The following GPR171 variants were observed in gnomAD, a reference collection of about 807,000 sequenced individuals.
GPR171 encodes the protein F730001G15Rik.
A neutral mutation model predicts 16.7 loss-of-function variants in GPR171; 14 were observed. That is an observed-to-expected ratio of 0.84 (90% CI 0.55 to 1.31). GPR171 has a LOEUF of 1.31. Ranked by LOEUF, GPR171 falls within the 40% of genes most tolerant of loss-of-function variation. GPR171 has a pLI of 0.00. For missense variants in GPR171, 337 were observed against 378.9 expected, an observed-to-expected ratio of 0.89 and a Z score of 0.92; for synonymous variants, 134 against 135.6, an observed-to-expected ratio of 0.99 and a Z score of 0.08.
At chr3:151,199,784 A>T (rs567274890) in intron 2 of GPR171, among the ~76,000 whole-genome samples, 6 of 152,080 alleles carry the variant, frequency 3.9e-5, no homozygotes, top group African/African-American at 1.4e-4. Context: ...GAGAGAGGAA[A>T]CTAGGGTTGT....
rs1193632257 is a variant in GPR171 at position 151,199,020 on chromosome 3, A to C, written c.367T>G (p.Tyr123Asp). The change falls in exon 3 of 3, where the codon TAC (tyrosine) becomes GAC (aspartate). Residue 123 changes from tyrosine to aspartate, a missense_variant. Tyr to Asp is a radical substitution (Grantham distance 160). Coordinates refer to ENST00000309180, the MANE Select transcript of GPR171 (RefSeq NM_013308.4). ...GCAAATCCGGGTTCTTGTATTCGGT[A>C]GATCTTGCAGCTGTGTGTCAGCTGA... Reference protein sequence around the residue: ...CLQLTHSCKIYRIQEPGFAKM... With the variant: ...CLQLTHSCKIDRIQEPGFAKM... The C allele has an allele frequency of 6.2e-7, 1 of 1,614,186 alleles. No homozygotes were observed. Among genetic ancestry groups the C allele is most frequent in the Non-Finnish European group, 8.5e-7 (1 of 1,180,018 alleles).
rs1430087127 is a variant in GPR171, at chr3:151,198,482, G to A, written c.905C>T (p.Ser302Leu). ...TTTCTGAGCCTTGGTCTCTTTAGGT[G>A]AGGCAAAAGTCTCAGTGACCTTTGA... ...FRSKVTETFA[S>L]PKETKAQKEK... Residue 302 changes from serine (S) to leucine (L), a missense_variant, in exon 3 of 3, where the codon TCA becomes TTA. Physicochemically the swap from Ser to Leu is moderately radical, Grantham distance 145 (BLOSUM62 -2). Transcript: ENST00000309180. 2.5e-6 allele frequency: 4 copies of A among 1,612,242 alleles called. No individual in the cohort carries two copies. Among genetic ancestry groups the A allele is most frequent in the South Asian group, 2.2e-5 (2 of 91,036 alleles).
Position 151,198,405 on chromosome 3 carries a change from G to A in GPR171, c.*22C>T. 2 of 1,554,444 alleles carry A rather than the reference G, an allele frequency of 1.3e-6. No individual in the cohort carries two copies. The highest frequency in any genetic ancestry group is 1.7e-6 in the Non-Finnish European group (2 of 1,143,792). ...TTATGGTCCAGTAAGGCCAGAATTG[G>A]TAGCACAAAAAATCCTGTCTTTTAT... On this transcript the variant is annotated 3_prime_UTR_variant, in exon 3 of 3. Coordinates refer to ENST00000309180, the MANE Select transcript of GPR171 (RefSeq NM_013308.4).
In GPR171 at chr3:151,202,025, G is replaced by A. The variant is rs373651792; in HGVS notation, c.-142-1028C>T. 1.1e-4 allele frequency among the ~76,000 whole-genome samples: 17 copies of A among 152,256 alleles called. No homozygotes were observed. The East Asian group carries it at 1.3e-3, about 12-fold the overall frequency. On this transcript the variant is annotated intron_variant, in intron 1 of 2. Transcript: ENST00000309180. Reference sequence around the variant, plus strand: ...AATTTTCTCTGTAGCTAGAACTGACGATATATACCGTACATGAATAATTTA... The same window carrying A: ...AATTTTCTCTGTAGCTAGAACTGACAATATATACCGTACATGAATAATTTA...
intron 2 of GPR171, 123 bp downstream of exon 2, chr3:151,200,786 A>G (rs900669026): frequency 6.6e-6 from 1 of 152,248 alleles, no homozygotes; most frequent in African/African-American, 2.4e-5. Flanking sequence ...GTTGGTTTGT[A>G]TCTGGCACTA....
chr3:151,198,930 G>T lies in GPR171; in HGVS notation c.457C>A (p.Pro153Thr). ...GACTTTTCCTTGATGTCTTTGATGG[G>T]AATCATCATATTTGGCACCATTATA... Reference protein sequence around the residue: ...LLIMVPNMMIPIKDIKEKSNV... With the variant: ...LLIMVPNMMITIKDIKEKSNV... Residue 153 changes from proline (P) to threonine (T), a missense_variant, in exon 3 of 3, where the codon CCC (proline) becomes ACC (threonine). Pro to Thr is a conservative substitution (Grantham distance 38). Coordinates refer to ENST00000309180, the MANE Select transcript of GPR171 (RefSeq NM_013308.4). 6.2e-7 allele frequency: 1 copy of T among 1,613,826 alleles called. No individual in the cohort carries two copies.
At chr3:151,201,871 T>C (rs1256841878) in intron 1 of GPR171, among the ~76,000 whole-genome samples, 2 of 152,242 alleles carry the variant, frequency 1.3e-5, no homozygotes, top group Non-Finnish European at 2.9e-5. Context: ...CTATTTCAAA[T>C]ATTACATAAT....
At chr3:151,200,774 CA>C (rs1374926088) in intron 2 of GPR171, 134 bp downstream of exon 2, 1 of 152,242 alleles carries the variant, frequency 6.6e-6, no homozygotes, top group Non-Finnish European at 1.5e-5. Context: ...AATAATTAAG[CA>C]GTTGGTTTGT....
Position 151,198,358 on chromosome 3 carries a change from T to A in GPR171, c.*69A>T. On this transcript the variant is annotated 3_prime_UTR_variant, in exon 3 of 3. Coordinates refer to ENST00000309180, the MANE Select transcript of GPR171 (RefSeq NM_013308.4). ...TTTTTTTTTGTTTTTTTTTTTTTTA[T>A]CTTTCAAAGCTATAATTAACTTTAT... 1.9e-6 allele frequency: 2 copies of A among 1,059,448 alleles called. No homozygotes were observed. The highest frequency in any genetic ancestry group is 2.6e-6 in the Non-Finnish European group (2 of 772,772). The allele number at this position is 1,059,448 out of a possible 1,614,324, so 65.6% of individuals were successfully genotyped here.
downstream of GPR171, chr3:151,197,766 C>T (rs1226558320): frequency 1.3e-5 from 2 of 152,626 alleles, no homozygotes; most frequent in East Asian, 3.8e-4. Context: ...TTATTACTAA[C>T]ATCAGGAAGC....
intron 2 of GPR171, among the ~76,000 whole-genome samples, chr3:151,200,610 G>T (rs1725408947): frequency 6.6e-6 from 1 of 152,156 alleles, no homozygotes; most frequent in Non-Finnish European, 1.5e-5. Flanking sequence ...CATTTGTAAT[G>T]AAACAATGTA....
At position 151,198,552 on chromosome 3, in the gene GPR171, A is replaced by C; in HGVS notation, c.835T>G (p.Cys279Gly). ...TGATAGTACAGGATAGGATCAAAGC[A>C]CAGGTTCGACACAGCCAGGAGCAGT... ...ATLLLAVSNL[C>G]FDPILYYHLS... Residue 279 changes from cysteine (C) to glycine (G), a missense_variant, in exon 3 of 3, where the codon TGC becomes GGC. Coordinates refer to ENST00000309180, the MANE Select transcript of GPR171 (RefSeq NM_013308.4). The C allele has an allele frequency of 3.1e-6, 5 of 1,614,122 alleles. No homozygotes were observed. Among genetic ancestry groups the C allele is most frequent in the Non-Finnish European group, 4.2e-6 (5 of 1,179,996 alleles).
At chr3:151,202,972 G>C (rs1307856769) in intron 1 of GPR171, 132 bp downstream of exon 1, 1 of 151,588 alleles carries the variant, frequency 6.6e-6, no homozygotes, top group Non-Finnish European at 1.5e-5. Flanking sequence ...GACCTATTTA[G>C]AGTTTAAAAA....
In GPR171 at chr3:151,198,406, T is replaced by C; in HGVS notation, c.*21A>G. 1 of 1,561,840 alleles carries C rather than the reference T, an allele frequency of 6.4e-7. No homozygotes were observed. Among genetic ancestry groups the C allele is most frequent in the Non-Finnish European group, 8.7e-7 (1 of 1,148,554 alleles). On this transcript the variant is annotated 3_prime_UTR_variant, in exon 3 of 3. Transcript: ENST00000309180. Reference sequence around the variant, plus strand: ...TATGGTCCAGTAAGGCCAGAATTGGTAGCACAAAAAATCCTGTCTTTTATG... The same window carrying C: ...TATGGTCCAGTAAGGCCAGAATTGGCAGCACAAAAAATCCTGTCTTTTATG...
At chr3:151,201,930 A>G (rs751865786) in intron 1 of GPR171, among the ~76,000 whole-genome samples, 5 of 152,214 alleles carry the variant, frequency 3.3e-5, no homozygotes, top group Non-Finnish European at 7.3e-5. Context: ...TTGCACAACT[A>G]TAAAATAAGT....
In GPR171 at chr3:151,198,179, C is replaced by T. The variant is rs1182230166; in HGVS notation, c.*248G>A. ...ATTTCAAGGATATTGCAGGATTTTA[C>T]ATTCGTTCAATGAGACTCTTTAGTT... On this transcript the variant is annotated 3_prime_UTR_variant, in exon 3 of 3. Coordinates refer to ENST00000309180, the MANE Select transcript of GPR171 (RefSeq NM_013308.4). 6.2e-6 allele frequency: 2 copies of T among 323,480 alleles called. No homozygotes were observed. The highest frequency in any genetic ancestry group is 1.1e-5 in the Non-Finnish European group (2 of 177,374). 20.0% of individuals were successfully genotyped at this position (323,480 alleles called of 1,614,324 possible).
intron 1 of GPR171, 122 bp from the exon 2 acceptor site, chr3:151,201,119 T>G (rs1420700380): frequency 1.3e-5 from 2 of 152,208 alleles, no homozygotes; most frequent in African/African-American, 4.8e-5. Flanking sequence ...TTTTATGTAA[T>G]AAAGCTGAAA....
intron 1 of GPR171, among the ~76,000 whole-genome samples, chr3:151,202,682 CA>C (rs1330150803): frequency 2.0e-5 from 3 of 152,092 alleles, no homozygotes; most frequent in African/African-American, 7.2e-5. Context: ...CAAAACAAAA[CA>C]AAAACAAAAT....
rs541209577 is a variant in GPR171 at position 151,198,210 on chromosome 3, T to C, written c.*217A>G. On this transcript the variant is annotated 3_prime_UTR_variant, in exon 3 of 3. Coordinates refer to ENST00000309180, the MANE Select transcript of GPR171 (RefSeq NM_013308.4). Reference sequence around the variant, plus strand: ...TTCAATGAGACTCTTTAGTTTTTTGTACAAATATTTGGGTTAATGAGTAGC... The same window carrying C: ...TTCAATGAGACTCTTTAGTTTTTTGCACAAATATTTGGGTTAATGAGTAGC... 45 of 413,008 alleles carry C rather than the reference T, an allele frequency of 1.1e-4. No homozygotes were observed. Among genetic ancestry groups the C allele is most frequent in the Non-Finnish European group, 1.7e-4 (39 of 233,920 alleles). The allele number at this position is 413,008 out of a possible 1,614,324, so 25.6% of individuals were successfully genotyped here. A position where few individuals can be genotyped will look rare whatever the true frequency, so the allele number is the denominator to read the frequency against.
Sources: gnomAD v4.1 joint callset for allele counts (sites outside exome capture counted in the v4.1 genomes callset) on GRCh38, gnomAD v4.1.1 for gene constraint, MANE v1.5 for transcripts, NCBI Gene and HGNC (gene_info 2026-07-23, HGNC 2026-07-21) for gene names.